MBD5: variants seen among roughly 807,000 people sequenced by gnomAD.
MBD5 encodes the protein methyl-CpG binding domain protein 5.
Under a neutral mutation model 117.3 loss-of-function variants are expected in MBD5, and 13 were observed. The ratio of observed to expected loss-of-function variants is 0.11; its 90% confidence interval spans 0.07 to 0.18. MBD5 has a LOEUF of 0.18. Ranked by LOEUF, MBD5 falls within the 10% of genes least tolerant of loss-of-function variation. The pLI is 1.00. For synonymous variants in MBD5, 727 were observed against 766.4 expected (o/e 0.95, Z 0.85); for missense variants, 1,879 against 2,093.8 (o/e 0.90, Z 2.00).
At position 148,463,876 on chromosome 2, in the gene MBD5, C is replaced by A. The variant is rs1385280226; in HGVS notation, c.354C>A (p.Ala118=). 1 of 1,613,542 alleles carries A rather than the reference C, an allele frequency of 6.2e-7. No individual in the cohort carries two copies. The highest frequency in any genetic ancestry group is 8.5e-7 in the Non-Finnish European group (1 of 1,179,692). ...AVATLHKSME[A]PHPSLVLTSP... ...CCACACTTCATAAAAGCATGGAAGC[C>A]CCACATCCTTCTCTGGTGCTCACCA... The change falls in exon 7 of 14, where the codon GCC becomes GCA. Residue 118 remains alanine (A), a synonymous_variant. Coordinates refer to ENST00000642680, the MANE Select transcript of MBD5 (RefSeq NM_001378120.1).
intron 1 of MBD5, chr2:148,026,502 A>T (rs1236650159): frequency 6.6e-6 from 1 of 152,184 alleles, no homozygotes. Flanking sequence ...TGGTGACTCA[A>T]CGCTTGTAAT....
chr2:148,082,597 A>AT (rs1695671535), intron 1 of MBD5, among the ~76,000 whole-genome samples: 1 of 152,248 alleles, frequency 6.6e-6, no homozygotes, highest in African/African-American at 2.4e-5. Context: ...AAATGTTGGA[A>AT]TAAGTGGTAA....
intron 4 of MBD5, among the ~76,000 whole-genome samples, chr2:148,435,136 A>G (rs536026576): frequency 2.7e-4 from 41 of 151,794 alleles, no homozygotes; most frequent in African/African-American, 8.9e-4. Flanking sequence ...CCATCCCTTT[A>G]CTTTGAGCCC....
Position 148,102,811 on chromosome 2 carries a change from G to A in MBD5, c.-924-75889G>A, listed in dbSNP as rs191942201. Among the ~76,000 whole-genome samples, 10 of 150,814 alleles carry A rather than the reference G, an allele frequency of 6.6e-5. No individual in the cohort carries two copies. The East Asian group carries it at 2.0e-3, about 30-fold the overall frequency. ...AAATCGTTTGTATAGGGCATTTGTAGGAGCAGTAGAAGACTTAGGAAAGCA... is the reference window on the plus strand; with the variant it reads ...AAATCGTTTGTATAGGGCATTTGTAAGAGCAGTAGAAGACTTAGGAAAGCA... On this transcript the variant is annotated intron_variant, in intron 1 of 13. Transcript: ENST00000642680.
chr2:148,446,880 G>T (rs1047307320), intron 4 of MBD5, among the ~76,000 whole-genome samples: 1 of 152,020 alleles, frequency 6.6e-6, no homozygotes, highest in African/African-American at 2.4e-5. Flanking sequence ...ACCTTTGAAA[G>T]ACTTGATGAA....
intron 3 of MBD5, among the ~76,000 whole-genome samples, chr2:148,331,073 A>G (rs1574298007): frequency 1.3e-5 from 2 of 152,326 alleles, no homozygotes; most frequent in Admixed American, 1.3e-4. Flanking sequence ...TGATGTTTAC[A>G]TATCTGCTAT....
chr2:148,367,262 C>T (rs560796883), intron 4 of MBD5, among the ~76,000 whole-genome samples: 5 of 152,226 alleles, frequency 3.3e-5, no homozygotes, highest in Admixed American at 2.6e-4. Flanking sequence ...GTTGGGAAAA[C>T]CAGCTAGCCA....
chr2:148,051,619 G>GT (rs1405560756), intron 1 of MBD5, among the ~76,000 whole-genome samples: 1 of 76,384 alleles, frequency 1.3e-5, no homozygotes, highest in African/African-American at 3.1e-5. Context: ...GTGTGTGTGT[G>GT]TGTGTGTGTG....
chr2:148,219,093 A>T (rs761788835), intron 2 of MBD5, among the ~76,000 whole-genome samples: 27 of 152,228 alleles, frequency 1.8e-4, no homozygotes, highest in African/African-American at 2.7e-4. Context: ...AATCATGTAC[A>T]GCTGTGCAAA....
chr2:148,078,165 A>T (rs796252845), intron 1 of MBD5, among the ~76,000 whole-genome samples: 27 of 152,282 alleles, frequency 1.8e-4, no homozygotes, highest in African/African-American at 6.0e-4. Flanking sequence ...CTTAACCATC[A>T]TTCTGAACTC....
intron 1 of MBD5, among the ~76,000 whole-genome samples, chr2:148,118,067 A>C (rs955270106): frequency 3.9e-5 from 6 of 152,206 alleles, no homozygotes; most frequent in African/African-American, 1.4e-4. Context: ...GTATTCCACT[A>C]TAGCCCTTAA....
intron 1 of MBD5, among the ~76,000 whole-genome samples, chr2:148,141,184 G>A (rs982165181): frequency 6.6e-5 from 10 of 152,192 alleles, no homozygotes; most frequent in Admixed American, 1.3e-4. Flanking sequence ...TGAGATTGCT[G>A]TGGGTTTTGG....
At chr2:148,422,013 G>A (rs1705623223) in intron 4 of MBD5, among the ~76,000 whole-genome samples, 1 of 152,222 alleles carries the variant, frequency 6.6e-6, no homozygotes, top group African/African-American at 2.4e-5. Context: ...AGCTTCAGCA[G>A]ACTTAAATGT....
intron 2 of MBD5, among the ~76,000 whole-genome samples, chr2:148,191,056 A>C (rs1276234135): frequency 6.9e-6 from 1 of 145,112 alleles, no homozygotes; most frequent in Non-Finnish European, 1.5e-5. Context: ...AGAGGAGCTA[A>C]CTATCCTAAA....
chr2:148,139,216 T>C (rs908735827), intron 1 of MBD5, among the ~76,000 whole-genome samples: 2 of 151,908 alleles, frequency 1.3e-5, no homozygotes, highest in Non-Finnish European at 2.9e-5. Context: ...TTTTTAACCT[T>C]TTTTTTTGAA....
At chr2:148,468,282 C>T in intron 7 of MBD5, 59 bp from the exon 8 acceptor site, 1 of 1,445,290 alleles carries the variant, frequency 6.9e-7, no homozygotes, top group Non-Finnish European at 9.7e-7. Context: ...CCTTCCCTCC[C>T]TCCCACCACA....
intron 3 of MBD5, among the ~76,000 whole-genome samples, chr2:148,314,471 A>G (rs1702111878): frequency 7.3e-6 from 1 of 137,706 alleles, no homozygotes; most frequent in Admixed American, 8.3e-5. Context: ...TCCACCTCCC[A>G]GGTTTAAGGG....
chr2:148,284,106 T>C (rs1701315263), intron 3 of MBD5, among the ~76,000 whole-genome samples: 1 of 152,206 alleles, frequency 6.6e-6, no homozygotes, highest in Non-Finnish European at 1.5e-5. Flanking sequence ...ATTTTGCCCT[T>C]GCTTTTTTTA....
chr2:148,206,161 A>G (rs1019751755), intron 2 of MBD5, among the ~76,000 whole-genome samples: 1 of 152,064 alleles, frequency 6.6e-6, no homozygotes, highest in African/African-American at 2.4e-5. Flanking sequence ...ACACACTTGT[A>G]TATGTAGACA....
Sources: gnomAD v4.1 joint callset for allele counts (sites outside exome capture counted in the v4.1 genomes callset) on GRCh38, gnomAD v4.1.1 for gene constraint, MANE v1.5 for transcripts, NCBI Gene and HGNC (gene_info 2026-07-23, HGNC 2026-07-21) for gene names.